The following KDM3B variants were observed in gnomAD, a reference collection of about 807,000 sequenced individuals.
KDM3B encodes the protein lysine-specific demethylase 3B.
KDM3B carries 10 observed loss-of-function variants against 170.0 expected under a neutral mutation model. The observed-to-expected ratio is 0.06, with a 90% CI of 0.04 to 0.10. The LOEUF (loss-of-function observed/expected upper bound fraction) is 0.10. Among genes scored for constraint, KDM3B ranks in the 10% least tolerant of loss-of-function variants. KDM3B has a pLI of 1.00. For synonymous variants in KDM3B, 831 were observed against 834.8 expected, an observed-to-expected ratio of 1.00 and a Z score of 0.08; for missense variants, 1,394 against 2,195.2, an observed-to-expected ratio of 0.64 and a Z score of 7.29.
intron 17 of KDM3B, 112 bp from the exon 18 acceptor site, chr5:138,426,863 A>C (rs1197094597): frequency 2.6e-5 from 1 of 37,994 alleles, no homozygotes; most frequent in Non-Finnish European, 4.7e-5. Context: ...ACTCTGTCTC[A>C]AAAAAAAAAA....
intron 13 of KDM3B, 196 bp downstream of exon 13, chr5:138,417,806 T>G: frequency 3.7e-6 from 2 of 536,320 alleles, no homozygotes; most frequent in Admixed American, 3.2e-5. Flanking sequence ...CAGTTTCTCT[T>G]CATCTTTAAA....
At chr5:138,377,136 C>T (rs916511773) in intron 3 of KDM3B, among the ~76,000 whole-genome samples, 1 of 152,190 alleles carries the variant, frequency 6.6e-6, no homozygotes, top group African/African-American at 2.4e-5. Flanking sequence ...GCCTCATTCC[C>T]TCTCAGCAAC....
chr5:138,425,307 GGAGAA>G, intron 16 of KDM3B, 99 bp from the exon 17 acceptor site: 4 of 980,836 alleles, frequency 4.1e-6, no homozygotes, highest in Non-Finnish European at 6.1e-6. Flanking sequence ...AGAGCTTCCT[GGAGAA>G]GAGGAGGCCC....
chr5:138,354,478 G>A (rs181858416), intron 1 of KDM3B, among the ~76,000 whole-genome samples: 60 of 152,268 alleles, frequency 3.9e-4, no homozygotes, highest in African/African-American at 1.4e-3. Context: ...TTTGACCGAA[G>A]GCCTACTTTG....
chr5:138,424,774 A>G (rs1490195365), intron 16 of KDM3B, among the ~76,000 whole-genome samples: 1 of 152,086 alleles, frequency 6.6e-6, no homozygotes, highest in African/African-American at 2.4e-5. Flanking sequence ...GCAAGATTCC[A>G]CCTCAAAAAT....
chr5:138,412,772 G>A (rs1763006029), intron 11 of KDM3B, among the ~76,000 whole-genome samples: 1 of 152,166 alleles, frequency 6.6e-6, no homozygotes, highest in African/African-American at 2.4e-5. Context: ...ACACCAGCCT[G>A]GGCAAACAAG....
intron 11 of KDM3B, among the ~76,000 whole-genome samples, chr5:138,408,286 C>G (rs992838386): frequency 6.6e-6 from 1 of 151,930 alleles, no homozygotes; most frequent in Non-Finnish European, 1.5e-5. Flanking sequence ...CTGCCACCAA[C>G]TGGTCTGGGA....
intron 5 of KDM3B, 126 bp downstream of exon 5, chr5:138,379,834 T>C: frequency 1.2e-6 from 1 of 828,538 alleles, no homozygotes; most frequent in Non-Finnish European, 1.8e-6. Flanking sequence ...ACTTAATAGT[T>C]GTATAACCCC....
rs1763500921 is a variant in KDM3B at position 138,430,410 on chromosome 5, T to G, written c.5055T>G (p.Ala1685=). 6.2e-7 allele frequency: 1 copy of G among 1,613,736 alleles called. No individual in the cohort carries two copies. The highest frequency in any genetic ancestry group is 1.7e-5 in the Admixed American group (1 of 59,996). The stretch of plus-strand genomic sequence containing the variant: ...TAGGTGATGCTGTTTTCATACCTGC[T>G]GGAGCCCCACACCAGGTGGGTTCCT... ...QFLGDAVFIP[A]GAPHQVHNLY... Residue 1685 remains alanine (A), a synonymous_variant, in exon 22 of 24, where the codon GCT becomes GCG. Transcript: ENST00000314358.
chr5:138,379,485 C>A, intron 4 of KDM3B, 99 bp from the exon 5 acceptor site: 1 of 1,223,006 alleles, frequency 8.2e-7, no homozygotes, highest in Non-Finnish European at 1.1e-6. Context: ...ACCAAAAGTG[C>A]CAAATATTTA....
intron 4 of KDM3B, among the ~76,000 whole-genome samples, chr5:138,378,672 A>G (rs149661310): frequency 6.6e-6 from 1 of 152,160 alleles, no homozygotes. Flanking sequence ...GTGTCAGGAT[A>G]AAATGATGTT....
intron 6 of KDM3B, among the ~76,000 whole-genome samples, chr5:138,384,095 A>T (rs1255090304): frequency 2.7e-5 from 4 of 150,042 alleles, no homozygotes; most frequent in Admixed American, 6.7e-5. Context: ...ATACAAAAAA[A>T]ATTAGCCGGG....
chr5:138,392,121 C>T lies in KDM3B; in HGVS notation c.2489C>T (p.Ala830Val), dbSNP rs35942337. ...DLSDSEEQLQ[A>V]KTGLKGIPEH... ...AGTGACTCTGAGGAGCAGCTGCAGG[C>T]TAAGACAGGCCTGAAGGGAATTCCA... Residue 830 changes from alanine to valine, a missense_variant, in exon 8 of 24, where the codon GCT becomes GTT. Ala to Val is a moderately conservative substitution (Grantham distance 64). Coordinates refer to ENST00000314358, the MANE Select transcript of KDM3B (RefSeq NM_016604.4). 1.2e-6 allele frequency: 2 copies of T among 1,602,444 alleles called. No homozygotes were observed. Among genetic ancestry groups the T allele is most frequent in the South Asian group, 1.1e-5 (1 of 90,684 alleles).
intron 1 of KDM3B, among the ~76,000 whole-genome samples, chr5:138,363,882 AT>A (rs1761677854): frequency 7.1e-6 from 1 of 141,482 alleles, no homozygotes; most frequent in Admixed American, 7.0e-5. Context: ...TTGCTTTTTC[AT>A]TTAATGTGGC....
chr5:138,426,719 C>T (rs1457606995), intron 17 of KDM3B: 4 of 371,290 alleles, frequency 1.1e-5, no homozygotes, highest in Non-Finnish European at 2.1e-5. Context: ...GGCAAAACCC[C>T]GTCTCTACTA....
intron 1 of KDM3B, among the ~76,000 whole-genome samples, chr5:138,355,572 C>T (rs1205172563): frequency 1.3e-5 from 2 of 152,198 alleles, no homozygotes; most frequent in Non-Finnish European, 2.9e-5. Context: ...AACAGCTTTT[C>T]CCCCACTTTC....
chr5:138,357,448 G>A (rs1013126572), intron 1 of KDM3B, among the ~76,000 whole-genome samples: 2 of 150,512 alleles, frequency 1.3e-5, no homozygotes, highest in African/African-American at 4.9e-5. Context: ...CTGCAGCTTC[G>A]ACCTCCCTGG....
chr5:138,428,940 C>CTTTTT (rs397884825), intron 20 of KDM3B, among the ~76,000 whole-genome samples: 27 of 101,226 alleles, frequency 2.7e-4, no homozygotes, highest in Admixed American at 3.3e-4. Flanking sequence ...GGGATAATTT[C>CTTTTT]TTTTTTTTTT....
At chr5:138,396,399 A>G (rs978194503) in intron 9 of KDM3B, among the ~76,000 whole-genome samples, 6 of 151,942 alleles carry the variant, frequency 3.9e-5, no homozygotes, top group African/African-American at 1.2e-4. Flanking sequence ...CCGGCCAAGT[A>G]TAGACAACTC....
Sources: gnomAD v4.1 joint callset for allele counts (sites outside exome capture counted in the v4.1 genomes callset) on GRCh38, gnomAD v4.1.1 for gene constraint, MANE v1.5 for transcripts, NCBI Gene and HGNC (gene_info 2026-07-23, HGNC 2026-07-21) for gene names.